TSPO: variants seen among roughly 807,000 people sequenced by gnomAD.
The protein encoded by TSPO is benzodiazepine peripheral binding site.
A neutral mutation model predicts 13.9 loss-of-function variants in TSPO; 14 were observed. The observed-to-expected ratio is 1.01, with a 90% CI of 0.67 to 1.58. The LOEUF is 1.58. TSPO is among the 40% of genes most tolerant of loss of function. TSPO has a pLI of 0.00. For missense variants in TSPO, 232 were observed against 229.6 expected (o/e 1.01, Z -0.07); for synonymous variants, 114 against 105.9 (o/e 1.08, Z -0.47).
intron 1 of TSPO, among the ~76,000 whole-genome samples, chr22:43,154,956 C>T (rs758128755): frequency 1.3e-5 from 2 of 152,042 alleles, no homozygotes; most frequent in African/African-American, 2.4e-5. Context: ...CTTCTGGCAC[C>T]GTTCAGAGGT....
Position 43,162,900 on chromosome 22 carries a change from A to G in TSPO, c.419A>G (p.Tyr140Cys), listed in dbSNP as rs1190281290. 5 of 1,588,692 alleles carry G rather than the reference A, an allele frequency of 3.1e-6. No homozygotes were observed. Among genetic ancestry groups the G allele is most frequent in the Non-Finnish European group, 4.3e-6 (5 of 1,168,164 alleles). The stretch of plus-strand genomic sequence containing the variant: ...CTGGCCGCCCGCCTGCTCTACCCCT[A>G]CCTGGCCTGGCTGGCCTTCACGACC... ...SPLAARLLYP[Y>C]LAWLAFTTTL... Residue 140 changes from tyrosine to cysteine, a missense_variant, in exon 4 of 4, where the codon TAC becomes TGC. By Grantham distance (194) the Tyr-to-Cys change is radical. Coordinates refer to ENST00000337554, the MANE Select transcript of TSPO (RefSeq NM_000714.6).
intron 1 of TSPO, chr22:43,152,048 AC>A (rs1025786250): frequency 3.9e-5 from 6 of 152,274 alleles, no homozygotes; most frequent in African/African-American, 1.4e-4. Flanking sequence ...GTAGTGGAGA[AC>A]AGTCCAGATC....
At chr22:43,156,954 G>A (rs1218233405) in intron 1 of TSPO, among the ~76,000 whole-genome samples, 1 of 152,170 alleles carries the variant, frequency 6.6e-6, no homozygotes, top group African/African-American at 2.4e-5. Flanking sequence ...AGTGGAGGCT[G>A]AACGAGGCTC....
rs6971 is a variant in TSPO, at chr22:43,162,920, A to G, written c.439A>G (p.Thr147Ala). The G allele has an allele frequency of 0.71, 1,135,011 of 1,593,126 alleles. 408,706 individuals carry two copies. Among genetic ancestry groups the G allele is most frequent in the East Asian group, 0.97 (42,533 of 43,786 alleles). ...CCCCTACCTGGCCTGGCTGGCCTTC[A>G]CGACCACACTCAACTACTGCGTATG... ...LYPYLAWLAF[T>A]TTLNYCVWRD... The change falls in exon 4 of 4, where the codon ACG becomes GCG. Residue 147 changes from threonine (T) to alanine (A), a missense_variant. Transcript: ENST00000337554.
chr22:43,159,980 CCA>C (rs1931384063), intron 2 of TSPO, among the ~76,000 whole-genome samples: 1 of 152,162 alleles, frequency 6.6e-6, no homozygotes, highest in Non-Finnish European at 1.5e-5. Context: ...GTAGCGGGGA[CCA>C]CACCCAGGAG....
intron 1 of TSPO, among the ~76,000 whole-genome samples, chr22:43,157,099 C>T (rs1931274157): frequency 6.6e-6 from 1 of 152,182 alleles, no homozygotes; most frequent in Non-Finnish European, 1.5e-5. Flanking sequence ...TAGTGGGAGG[C>T]TGAGCTGGGA....
Position 43,161,629 on chromosome 22 carries a change from A to G in TSPO, c.321+439A>G, listed in dbSNP as rs1931444013. ...CAGCCTCCCGAGTAGCTGGGACTAC[A>G]GGTGTGCACCACCACTCCTGGCTAA... On this transcript the variant is annotated intron_variant, in intron 3 of 3. Coordinates refer to ENST00000337554, the MANE Select transcript of TSPO (RefSeq NM_000714.6). Among the ~76,000 whole-genome samples, 4 of 151,898 alleles carry G rather than the reference A, an allele frequency of 2.6e-5. No homozygotes were observed. In the South Asian group the frequency reaches 6.2e-4, roughly 24 times the overall value.
At position 43,163,148 on chromosome 22, in the gene TSPO, C is replaced by G. The variant is rs994437867; in HGVS notation, c.*157C>G. 7.5e-6 allele frequency: 11 copies of G among 1,463,370 alleles called. No individual in the cohort carries two copies. In the African/African-American group the frequency reaches 8.5e-5, roughly 11 times the overall value. The allele number at this position is 1,463,370 out of a possible 1,614,324, so 90.6% of individuals were successfully genotyped here. On this transcript the variant is annotated 3_prime_UTR_variant, in exon 4 of 4. Coordinates refer to ENST00000337554, the MANE Select transcript of TSPO (RefSeq NM_000714.6). ...TCAGAGGTGGCCCCACCTGAGCCCC[C>G]ACCCGGGAGCAGTGTCCTGTGCTTT...
chr22:43,160,506 C>A lies in TSPO; in HGVS notation c.183-546C>A, dbSNP rs539196352. ...ATGCTTGGGAAGTGGTAGGGCCTGG[C>A]TCCTGTGAGTGCTGGAGGGCATCGG... On this transcript the variant is annotated intron_variant, in intron 2 of 3. Coordinates refer to ENST00000337554, the MANE Select transcript of TSPO (RefSeq NM_000714.6). 7.9e-5 allele frequency among the ~76,000 whole-genome samples: 12 copies of A among 152,310 alleles called. No homozygotes were observed. In the East Asian group the frequency reaches 2.3e-3, roughly 29 times the overall value.
At position 43,159,157 on chromosome 22, in the gene TSPO, C is replaced by A. The variant is rs1344111211; in HGVS notation, c.-29-53C>A. ...TCGGGGATGCTGGAGGAGACACGGG[C>A]CTGACCCCATGGCCTCAGGAATGCC... On this transcript the variant is annotated intron_variant, in intron 1 of 3. Transcript: ENST00000337554. 3.7e-6 allele frequency: 5 copies of A among 1,369,142 alleles called. No individual in the cohort carries two copies. In the Admixed American group the frequency reaches 1.5e-4, roughly 40 times the overall value. The allele number at this position is 1,369,142 out of a possible 1,614,324, so 84.8% of individuals were successfully genotyped here.
chr22:43,155,722 C>T (rs545862196), intron 1 of TSPO, among the ~76,000 whole-genome samples: 6 of 152,270 alleles, frequency 3.9e-5, no homozygotes, highest in South Asian at 2.1e-4. Flanking sequence ...GGCCCAGAGA[C>T]GAGCCTTGGA....
chr22:43,161,148 G>A lies in TSPO; in HGVS notation c.279G>A (p.Trp93Ter), dbSNP rs769849973. The change falls in exon 3 of 4, where the codon TGG becomes TGA. Residue 93 changes from tryptophan (W) to a stop codon, truncating the protein, a stop_gained. Coordinates refer to ENST00000337554, the MANE Select transcript of TSPO (RefSeq NM_000714.6). LOFTEE classifies it low-confidence loss of function (END_TRUNC). Reference protein sequence around the residue: ...GLYTGQLALNWAWPPIFFGAR... With the variant: ...GLYTGQLALN ...ACACTGGGCAGCTGGCCCTGAACTG[G>A]GCATGGCCCCCCATCTTCTTTGGTG... 1 of 1,613,994 alleles carries A rather than the reference G, an allele frequency of 6.2e-7. No individual in the cohort carries two copies. Among genetic ancestry groups the A allele is most frequent in the South Asian group, 1.1e-5 (1 of 91,076 alleles).
chr22:43,158,244 C>T (rs1931317811), intron 1 of TSPO, among the ~76,000 whole-genome samples: 1 of 152,204 alleles, frequency 6.6e-6, no homozygotes, highest in African/African-American at 2.4e-5. Flanking sequence ...GGCATCTCCT[C>T]CCTGGTCCCT....
chr22:43,159,610 T>A, intron 2 of TSPO, 190 bp downstream of exon 2: 1 of 544,260 alleles, frequency 1.8e-6, no homozygotes, highest in Non-Finnish European at 3.0e-6. Context: ...CCTGGGCCCC[T>A]GGGGGGATGG....
At chr22:43,158,391 C>T (rs748592590) in intron 1 of TSPO, among the ~76,000 whole-genome samples, 27 of 152,194 alleles carry the variant, frequency 1.8e-4, no homozygotes, top group Middle Eastern at 3.2e-3. Flanking sequence ...AGAACTGAAT[C>T]GGGTTGTGTG....
intron 2 of TSPO, among the ~76,000 whole-genome samples, 191 bp from the exon 3 acceptor site, chr22:43,160,861 G>A (rs1601759215): frequency 6.6e-6 from 1 of 152,314 alleles, no homozygotes; most frequent in Non-Finnish European, 1.5e-5. Flanking sequence ...ATGAAGCACT[G>A]CCAATGTGCT....
At chr22:43,158,408 TGTCTC>T (rs1218176039) in intron 1 of TSPO, among the ~76,000 whole-genome samples, 1 of 152,174 alleles carries the variant, frequency 6.6e-6, no homozygotes, top group Non-Finnish European at 1.5e-5. Context: ...TGTGGCTTCT[TGTCTC>T]AGACAAGAGC....
chr22:43,163,161 T>C lies in TSPO; in HGVS notation c.*170T>C. On this transcript the variant is annotated 3_prime_UTR_variant, in exon 4 of 4. Coordinates refer to ENST00000337554, the MANE Select transcript of TSPO (RefSeq NM_000714.6). ...CACCTGAGCCCCCACCCGGGAGCAG[T>C]GTCCTGTGCTTTCTGCATGCTTAGA... 2 of 1,446,434 alleles carry C rather than the reference T, an allele frequency of 1.4e-6. No individual in the cohort carries two copies. The highest frequency in any genetic ancestry group is 1.5e-5 in the South Asian group (1 of 68,802). 89.6% of individuals were successfully genotyped at this position (1,446,434 alleles called of 1,614,324 possible). A position where few individuals can be genotyped will look rare whatever the true frequency, so the allele number is the denominator to read the frequency against.
intron 3 of TSPO, among the ~76,000 whole-genome samples, chr22:43,161,650 G>A (rs758754802): frequency 4.6e-5 from 7 of 151,838 alleles, no homozygotes; most frequent in Non-Finnish European, 1.0e-4. Flanking sequence ...ACCACTCCTG[G>A]CTAATTTTTG....
Sources: allele counts gnomAD v4.1 joint callset (sites outside exome capture counted in the v4.1 genomes callset), GRCh38; gene constraint gnomAD v4.1.1; transcripts MANE v1.5; gene names NCBI Gene and HGNC (gene_info 2026-07-23, HGNC 2026-07-21).